IPO7: variants seen among roughly 807,000 people sequenced by gnomAD.
IPO7 encodes importin-7.
In IPO7, 13 loss-of-function variants were observed where a neutral mutation model predicts 136.4. That is an observed-to-expected ratio of 0.10 (90% CI 0.06 to 0.15). The LOEUF (loss-of-function observed/expected upper bound fraction) is 0.15, where lower values mean the gene tolerates loss of function less well. Ranked by LOEUF, IPO7 falls within the 10% of genes least tolerant of loss-of-function variation. The pLI is 1.00. For missense variants in IPO7, 857 were observed against 1,240.6 expected, an observed-to-expected ratio of 0.69 and a Z score of 4.65; for synonymous variants, 403 against 404.4, an observed-to-expected ratio of 1.00 and a Z score of 0.04.
At chr11:9,385,783 T>C (rs1338755213) in intron 1 of IPO7, among the ~76,000 whole-genome samples, 1 of 152,176 alleles carries the variant, frequency 6.6e-6, no homozygotes, top group Non-Finnish European at 1.5e-5. Flanking sequence ...CTTAATTGCA[T>C]GAATATTTAT....
At chr11:9,414,527 GTGGA>G (rs1855012633) in intron 5 of IPO7, 116 bp downstream of exon 5, 1 of 557,154 alleles carries the variant, frequency 1.8e-6, no homozygotes, top group Admixed American at 3.7e-5. Flanking sequence ...TCTACATTAA[GTGGA>G]TGATTTTCTA....
chr11:9,430,785 A>G (rs1185527725), intron 15 of IPO7, 90 bp from the exon 16 acceptor site: 10 of 1,015,694 alleles, frequency 9.8e-6, no homozygotes, highest in South Asian at 3.0e-5. Context: ...TGGTATCCCA[A>G]TGAGAACGTT....
intron 1 of IPO7, among the ~76,000 whole-genome samples, chr11:9,398,339 T>C (rs1487559407): frequency 6.6e-6 from 1 of 152,178 alleles, no homozygotes; most frequent in Non-Finnish European, 1.5e-5. Context: ...TCTACAAATA[T>C]AGTAAACAAA....
intron 1 of IPO7, among the ~76,000 whole-genome samples, chr11:9,395,656 A>T (rs1854697449): frequency 6.6e-6 from 1 of 151,930 alleles, no homozygotes; most frequent in Non-Finnish European, 1.5e-5. Flanking sequence ...CCTGTGCTAT[A>T]TCCCCGCTAA....
rs1261982055 is a variant in IPO7, at chr11:9,448,078, T to C, written c.*2884T>C. ...AAGATCTAACACAATGTCTTAAGTA[T>C]AATAGGTAGTCTCTGTTTGTAAAAT... On this transcript the variant is annotated 3_prime_UTR_variant, in exon 25 of 25. Transcript: ENST00000379719. The C allele has an allele frequency of 6.6e-6, 1 of 152,224 alleles. No homozygotes were observed. The highest frequency in any genetic ancestry group is 2.4e-5 in the African/African-American group (1 of 41,474). The allele number at this position is 152,224 out of a possible 1,614,324, so 9.4% of individuals were successfully genotyped here. A position where few individuals can be genotyped will look rare whatever the true frequency, so the allele number is the denominator to read the frequency against.
At chr11:9,406,115 T>C (rs2133734237) in intron 2 of IPO7, among the ~76,000 whole-genome samples, 2 of 138,546 alleles carry the variant, frequency 1.4e-5, no homozygotes, top group African/African-American at 5.4e-5. Flanking sequence ...TTTTTTTTTT[T>C]TTTTTTTTTT....
intron 24 of IPO7, among the ~76,000 whole-genome samples, chr11:9,443,039 A>G (rs1386772101): frequency 6.6e-6 from 1 of 151,860 alleles, no homozygotes; most frequent in Admixed American, 6.6e-5. Context: ...AACAGAAACA[A>G]AAAAAACTAG....
intron 18 of IPO7, 49 bp from the exon 19 acceptor site, chr11:9,434,885 A>G (rs1460117403): frequency 8.1e-7 from 1 of 1,230,696 alleles, no homozygotes; most frequent in Admixed American, 1.8e-5. Context: ...AAGCAAAGAA[A>G]GCATTTGTGT....
At chr11:9,429,250 C>A in intron 14 of IPO7, 54 bp downstream of exon 14, 3 of 1,448,974 alleles carry the variant, frequency 2.1e-6, no homozygotes, top group South Asian at 1.2e-5. Context: ...TGCGGTAGGT[C>A]ACACCTGTAA....
intron 22 of IPO7, among the ~76,000 whole-genome samples, chr11:9,438,488 A>T (rs1855414907): frequency 2.0e-5 from 3 of 152,066 alleles, no homozygotes; most frequent in African/African-American, 7.2e-5. Context: ...AGCTGGGTGT[A>T]GTGGTGGGCA....
chr11:9,423,041 G>A lies in IPO7; in HGVS notation c.942G>A (p.Lys314=). 1 of 1,603,358 alleles carries A rather than the reference G, an allele frequency of 6.2e-7. No individual in the cohort carries two copies. The highest frequency in any genetic ancestry group is 8.5e-7 in the Non-Finnish European group (1 of 1,173,430). The change falls in exon 9 of 25, where the codon AAG becomes AAA. Residue 314 remains lysine (K), a synonymous_variant. Coordinates refer to ENST00000379719, the MANE Select transcript of IPO7 (RefSeq NM_006391.3). ...AGGTGTTATATCAGTACAAGGAGAA[G>A]CAATATATGGCTCCTCGAGTTTTAC... ...LLKVLYQYKE[K]QYMAPRVLQQ...
Position 9,405,092 on chromosome 11 carries a change from C to T in IPO7, c.166+1721C>T, listed in dbSNP as rs1854861723. ...ATTAAATAACCTGGACTCTGCTAGG[C>T]AGATAGGAATTATTATTATTATTAT... is the stretch of plus-strand genomic sequence containing the variant. On this transcript the variant is annotated intron_variant, in intron 2 of 24. Coordinates refer to ENST00000379719, the MANE Select transcript of IPO7 (RefSeq NM_006391.3). Among the ~76,000 whole-genome samples the T allele has an allele frequency of 3.3e-5, 5 of 152,212 alleles. No homozygotes were observed. In the South Asian group the frequency reaches 8.3e-4, roughly 25 times the overall value.
intron 6 of IPO7, among the ~76,000 whole-genome samples, chr11:9,418,779 C>T (rs1855080207): frequency 6.6e-6 from 1 of 152,176 alleles, no homozygotes; most frequent in Non-Finnish European, 1.5e-5. Flanking sequence ...ATGTAGCCAT[C>T]ACCTCAGAAT....
chr11:9,419,838 A>G (rs1855102028), intron 6 of IPO7, among the ~76,000 whole-genome samples: 1 of 152,040 alleles, frequency 6.6e-6, no homozygotes, highest in Non-Finnish European at 1.5e-5. Flanking sequence ...TATGAAATAT[A>G]CTGATTTTGA....
chr11:9,404,814 C>T (rs1415288744), intron 2 of IPO7, among the ~76,000 whole-genome samples: 1 of 152,128 alleles, frequency 6.6e-6, no homozygotes, highest in Non-Finnish European at 1.5e-5. Flanking sequence ...GATCTGCCTG[C>T]CTTGGCCTCC....
In IPO7 at chr11:9,433,626, G is replaced by A; in HGVS notation, c.1938G>A (p.Gln646=). ...AGGTCATTGGTACTGTTTTACAACA[G>A]CATGTCTTAGGTATTATACCTCTGA... ...CLQVIGTVLQ[Q]HVLEFYEEIF... The change falls in exon 17 of 25, where the codon CAG becomes CAA. Residue 646 remains glutamine, a synonymous_variant. Coordinates refer to ENST00000379719, the MANE Select transcript of IPO7 (RefSeq NM_006391.3). 6.2e-7 allele frequency: 1 copy of A among 1,612,822 alleles called. No homozygotes were observed.
At chr11:9,443,355 G>A (rs530779267) in intron 24 of IPO7, among the ~76,000 whole-genome samples, 49 of 152,244 alleles carry the variant, frequency 3.2e-4, no homozygotes, top group African/African-American at 1.1e-3. Flanking sequence ...CACTTTGGGA[G>A]GCTGAGGCGG....
chr11:9,424,336 C>G (rs1057018278), intron 10 of IPO7, among the ~76,000 whole-genome samples: 1 of 151,836 alleles, frequency 6.6e-6, no homozygotes, highest in Admixed American at 6.6e-5. Context: ...CTTTTGTGAC[C>G]CTGTTGTGAA....
chr11:9,424,601 G>A (rs1855178155), intron 10 of IPO7, among the ~76,000 whole-genome samples: 2 of 152,046 alleles, frequency 1.3e-5, no homozygotes, highest in Non-Finnish European at 2.9e-5. Flanking sequence ...AAAATTAGCC[G>A]GGCGTGGTGG....
Sources: gnomAD v4.1 joint callset for allele counts (sites outside exome capture counted in the v4.1 genomes callset) on GRCh38, gnomAD v4.1.1 for gene constraint, MANE v1.5 for transcripts, NCBI Gene and HGNC (gene_info 2026-07-23, HGNC 2026-07-21) for gene names.